ZBTB20: variants seen among roughly 807,000 people sequenced by gnomAD.
ZBTB20 encodes zinc finger and BTB domain-containing protein 20.
A neutral mutation model predicts 56.9 loss-of-function variants in ZBTB20; 9 were observed. The ratio of observed to expected loss-of-function variants is 0.16; its 90% confidence interval spans 0.10 to 0.28. The LOEUF (loss-of-function observed/expected upper bound fraction) is 0.28. ZBTB20 is among the 10% of genes least tolerant of loss of function. The probability of loss-of-function intolerance (pLI) is 1.00; values close to 1 mark genes in which losing one functional copy is unlikely to be tolerated. For synonymous variants in ZBTB20, 417 were observed against 420.7 expected (o/e 0.99, Z 0.11); for missense variants, 655 against 1,003.0 (o/e 0.65, Z 4.69).
intron 1 of ZBTB20, among the ~76,000 whole-genome samples, chr3:115,101,713 A>T (rs1420584516): frequency 6.6e-6 from 1 of 152,232 alleles, no homozygotes; most frequent in African/African-American, 2.4e-5. Flanking sequence ...AATAAAAAAT[A>T]TAAGTGCATT....
intron 6 of ZBTB20, among the ~76,000 whole-genome samples, chr3:114,582,740 T>C (rs2054783203): frequency 6.6e-6 from 1 of 152,202 alleles, no homozygotes; most frequent in Non-Finnish European, 1.5e-5. Flanking sequence ...TTTTCCTAAC[T>C]AGAATTAATC....
chr3:114,777,639 T>C (rs2069705768), intron 5 of ZBTB20, among the ~76,000 whole-genome samples: 1 of 152,202 alleles, frequency 6.6e-6, no homozygotes, highest in Non-Finnish European at 1.5e-5. Flanking sequence ...ACTTTTACAC[T>C]GTTGGTGGGA....
intron 7 of ZBTB20, among the ~76,000 whole-genome samples, chr3:114,429,542 A>G (rs553949109): frequency 6.6e-6 from 1 of 152,290 alleles, no homozygotes; most frequent in African/African-American, 2.4e-5. Context: ...CCTTCTGCCC[A>G]GTCTCTGAGA....
chr3:114,814,220 AT>A (rs1235689063), intron 4 of ZBTB20, among the ~76,000 whole-genome samples: 2 of 149,824 alleles, frequency 1.3e-5, no homozygotes, highest in African/African-American at 2.4e-5. Flanking sequence ...TACCCATTTT[AT>A]TTTTTATTTA....
At position 114,570,066 on chromosome 3, in the gene ZBTB20, A is replaced by G. The variant is rs1223505146; in HGVS notation, c.-294-69675T>C. Among the ~76,000 whole-genome samples, 5 of 152,294 alleles carry G rather than the reference A, an allele frequency of 3.3e-5. No homozygotes were observed. In the East Asian group the frequency reaches 9.6e-4, roughly 29 times the overall value. On this transcript the variant is annotated intron_variant, in intron 6 of 11. Coordinates refer to ENST00000675478, the MANE Select transcript of ZBTB20 (RefSeq NM_001348800.3). ...TACGCACTTCAATAGTATAAAGGGT[A>G]TTTCTCAACATGTATTTTGAGGTCA...
intron 3 of ZBTB20, among the ~76,000 whole-genome samples, chr3:114,958,944 A>G (rs1039381381): frequency 1.3e-5 from 2 of 152,150 alleles, no homozygotes; most frequent in South Asian, 2.1e-4. Flanking sequence ...CCCAGAAGTG[A>G]TAACACTGTA....
intron 1 of ZBTB20, among the ~76,000 whole-genome samples, chr3:115,097,853 A>G (rs963556950): frequency 3.9e-5 from 6 of 152,176 alleles, no homozygotes; most frequent in Admixed American, 2.0e-4. Flanking sequence ...ATTTATGCAC[A>G]TTTTATAATG....
intron 3 of ZBTB20, among the ~76,000 whole-genome samples, chr3:114,906,192 A>T (rs532842180): frequency 2.6e-5 from 4 of 152,028 alleles, no homozygotes; most frequent in African/African-American, 9.6e-5. Flanking sequence ...TAAGACAAAC[A>T]TGAGTTCAAA....
intron 10 of ZBTB20, among the ~76,000 whole-genome samples, chr3:114,364,756 A>C (rs2082228968): frequency 6.6e-6 from 1 of 152,150 alleles, no homozygotes; most frequent in East Asian, 1.9e-4. Flanking sequence ...AAGATCCTTA[A>C]ATTCCTTGCT....
chr3:115,032,449 T>C (rs2080725765), intron 2 of ZBTB20, among the ~76,000 whole-genome samples: 2 of 151,406 alleles, frequency 1.3e-5, no homozygotes, highest in South Asian at 4.1e-4. Flanking sequence ...ATATTATAGA[T>C]ATTTTCTGGG....
In ZBTB20 at chr3:114,753,353, T is replaced by TTATATATAATG. The variant is rs1553809078; in HGVS notation, c.-343+47737_-343+47747dup. The stretch of plus-strand genomic sequence containing the variant: ...TATATATAATGTATATATGTATACA[T>TTATATATAATG]TATATATAATGTATATATAATGTAT... On this transcript the variant is annotated intron_variant, in intron 5 of 11. Coordinates refer to ENST00000675478, the MANE Select transcript of ZBTB20 (RefSeq NM_001348800.3). 1.9e-4 allele frequency among the ~76,000 whole-genome samples: 20 copies of TTATATATAATG among 107,748 alleles called. 3 individuals are homozygous for TTATATATAATG. Among genetic ancestry groups the TTATATATAATG allele is most frequent in the Non-Finnish European group, 3.3e-4 (17 of 51,396 alleles). 70.7% of individuals were successfully genotyped at this position (107,748 alleles called of 152,430 possible).
At chr3:114,677,275 C>T (rs1237868275) in intron 6 of ZBTB20, among the ~76,000 whole-genome samples, 1 of 152,088 alleles carries the variant, frequency 6.6e-6, no homozygotes, top group African/African-American at 2.4e-5. Flanking sequence ...TTACCAGAAA[C>T]CTTGCACTTA....
intron 2 of ZBTB20, among the ~76,000 whole-genome samples, chr3:115,055,195 C>CTCTCTCTCTA: frequency 7.2e-6 from 1 of 138,656 alleles, no homozygotes; most frequent in East Asian, 2.0e-4. Context: ...TAATCTCTCT[C>CTCTCTCTCTA]TCTCTCTCTC....
At chr3:114,430,698 A>C (rs1261701591) in intron 7 of ZBTB20, among the ~76,000 whole-genome samples, 1 of 152,186 alleles carries the variant, frequency 6.6e-6, no homozygotes, top group Non-Finnish European at 1.5e-5. Flanking sequence ...ATCATGCAAA[A>C]ATTAATGCTA....
At position 114,351,397 on chromosome 3, in the gene ZBTB20, C is replaced by T; in HGVS notation, c.681G>A (p.Thr227=). The stretch of plus-strand genomic sequence containing the variant: ...GGTGGCTCTGCAGGTAGCCCGACTC[C>T]GTGTCGCTGCTCTGGCCTGACGTGC... ...ESGTSGQSSD[T]ESGYLQSHPQ... Residue 227 remains threonine (T), a synonymous_variant, in exon 11 of 12, where the codon ACG becomes ACA. Coordinates refer to ENST00000675478, the MANE Select transcript of ZBTB20 (RefSeq NM_001348800.3). 1 of 1,612,360 alleles carries T rather than the reference C, an allele frequency of 6.2e-7. No homozygotes were observed. Among genetic ancestry groups the T allele is most frequent in the East Asian group, 2.2e-5 (1 of 44,804 alleles).
In ZBTB20 at chr3:114,650,046, A is replaced by C. The variant is rs955997633; in HGVS notation, c.-295+43482T>G. Among the ~76,000 whole-genome samples the C allele has an allele frequency of 5.3e-5, 8 of 152,004 alleles. No homozygotes were observed. The South Asian group carries it at 1.0e-3, about 20-fold the overall frequency. Reference sequence around the variant, plus strand: ...CAATTTCAATTACAAAGAGAGCTAGAAAATAAAATGGATAAGAGTATCATG... The same window carrying C: ...CAATTTCAATTACAAAGAGAGCTAGCAAATAAAATGGATAAGAGTATCATG... On this transcript the variant is annotated intron_variant, in intron 6 of 11. Transcript: ENST00000675478.
At chr3:114,913,246 T>C (rs1290726664) in intron 3 of ZBTB20, among the ~76,000 whole-genome samples, 2 of 152,024 alleles carry the variant, frequency 1.3e-5, no homozygotes, top group Non-Finnish European at 2.9e-5. Context: ...CCACCACCCA[T>C]TATTGCTTGT....
At chr3:114,843,967 G>A (rs569627041) in intron 4 of ZBTB20, among the ~76,000 whole-genome samples, 8 of 152,008 alleles carry the variant, frequency 5.3e-5, no homozygotes, top group South Asian at 2.1e-4. Flanking sequence ...GATTACAGGC[G>A]TGAGCCACCG....
intron 2 of ZBTB20, among the ~76,000 whole-genome samples, chr3:114,983,297 T>C (rs1245532970): frequency 6.6e-6 from 1 of 152,046 alleles, no homozygotes; most frequent in Non-Finnish European, 1.5e-5. Flanking sequence ...TCCTATATAG[T>C]TCAGCATGAG....
Sources: allele counts gnomAD v4.1 joint callset (sites outside exome capture counted in the v4.1 genomes callset), GRCh38; gene constraint gnomAD v4.1.1; transcripts MANE v1.5; gene names NCBI Gene and HGNC (gene_info 2026-07-23, HGNC 2026-07-21).